Variants in SLC1A6 observed in about 807,000 individuals in gnomAD.
SLC1A6 encodes the protein solute carrier family 1 member 6, also known as excitatory amino acid transporter 4.
Under a neutral mutation model 42.1 loss-of-function variants are expected in SLC1A6, and 15 were observed. The ratio of observed to expected loss-of-function variants is 0.36; its 90% CI spans 0.24 to 0.55. The LOEUF (loss-of-function observed/expected upper bound fraction) is 0.55. Among genes scored for constraint, SLC1A6 ranks in the 20% least tolerant of loss-of-function variants. The probability of loss-of-function intolerance (pLI) is 0.88; values close to 1 mark genes in which losing one functional copy is unlikely to be tolerated. For missense variants in SLC1A6, 542 were observed against 772.5 expected, an observed-to-expected ratio of 0.70 and a Z score of 3.54; for synonymous variants, 317 against 319.7, an observed-to-expected ratio of 0.99 and a Z score of 0.09.
Position 14,971,782 on chromosome 19 carries a change from G to A in SLC1A6, c.298C>T (p.Leu100=). ...ATGAGAGGTAACACCAGCATCTGCA[G>A]CATCCTCATCAGAAGCTCTCCAGGA... ...SFPGELLMRM[L]QMLVLPLIVS... Residue 100 remains leucine (L), a synonymous_variant, in exon 3 of 10, where the codon CTG becomes TTG. Coordinates refer to ENST00000594383, the MANE Select transcript of SLC1A6 (RefSeq NM_005071.3). 1 of 1,614,180 alleles carries A rather than the reference G, an allele frequency of 6.2e-7. No individual in the cohort carries two copies. Among genetic ancestry groups the A allele is most frequent in the Non-Finnish European group, 8.5e-7 (1 of 1,180,016 alleles).
At chr19:14,968,563 C>T in intron 3 of SLC1A6, 56 bp from the exon 4 acceptor site, 2 of 1,436,354 alleles carry the variant, frequency 1.4e-6, no homozygotes, top group South Asian at 1.3e-5. Flanking sequence ...CGCCAGCTCT[C>T]CTAGCATCCG....
chr19:14,960,926 C>T (rs1292561224), intron 6 of SLC1A6, among the ~76,000 whole-genome samples: 1 of 86,740 alleles, frequency 1.2e-5, no homozygotes, highest in East Asian at 3.6e-4. Flanking sequence ...TAAGTGGTCT[C>T]TCCCTTTTTT....
At chr19:15,010,440 G>T (rs1024086326) in intron 1 of SLC1A6, 8 of 478,556 alleles carry the variant, frequency 1.7e-5, no homozygotes, top group African/African-American at 7.8e-5. Context: ...AGGTAACGGC[G>T]AGAGGAATGC....
chr19:15,005,417 G>C (rs1600043107), intron 1 of SLC1A6, among the ~76,000 whole-genome samples: 1 of 152,294 alleles, frequency 6.6e-6, no homozygotes, highest in East Asian at 1.9e-4. Context: ...GCTGAGGCAG[G>C]AGAATCACTT....
Position 14,962,142 on chromosome 19 carries a change from G to A in SLC1A6, c.795C>T (p.Gly265=), listed in dbSNP as rs767240689. 5 of 1,614,080 alleles carry A rather than the reference G, an allele frequency of 3.1e-6. No individual in the cohort carries two copies. The East Asian group carries it at 1.1e-4, about 36-fold the overall frequency. The change falls in exon 6 of 10, where the codon GGC becomes GGT. Residue 265 remains glycine (G), a synonymous_variant. Coordinates refer to ENST00000594383, the MANE Select transcript of SLC1A6 (RefSeq NM_005071.3). The part of the protein sequence containing the change: ...ETVPVPGSAN[G]INALGLVVFS... ...AGACCACGAGGCCCAGGGCGTTGAT[G>A]CCATTGGCGGAGCCAGGCACGGGTA... is the stretch of plus-strand genomic sequence containing the variant.
rs373603766 is a variant in SLC1A6 at position 14,968,300 on chromosome 19, C to A, written c.548+3G>T. 49 of 1,608,928 alleles carry A rather than the reference C, an allele frequency of 3.0e-5. No individual in the cohort carries two copies. The highest frequency in any genetic ancestry group is 4.0e-5 in the Non-Finnish European group (47 of 1,176,826). Reference sequence around the variant, plus strand: ...TATATTGTGGTTTTTTAGGTTGGCACACCTGATCAGGTCCATGAAGGCATC... The same window carrying A: ...TATATTGTGGTTTTTTAGGTTGGCAAACCTGATCAGGTCCATGAAGGCATC... On this transcript the variant is annotated splice_donor_region_variant and intron_variant, in intron 4 of 9. Transcript: ENST00000594383.
At chr19:14,991,474 T>G (rs1238841423) in intron 1 of SLC1A6, among the ~76,000 whole-genome samples, 1 of 151,926 alleles carries the variant, frequency 6.6e-6, no homozygotes, top group Non-Finnish European at 1.5e-5. Flanking sequence ...AATACAAAAA[T>G]TAGCTGGGTG....
chr19:14,976,771 C>G (rs879754785), intron 1 of SLC1A6: 1 of 152,134 alleles, frequency 6.6e-6, no homozygotes, highest in Non-Finnish European at 1.5e-5. Context: ...CTGAATTCAA[C>G]CAGGTCGAGC....
rs996992381 is a variant in SLC1A6, at chr19:14,964,955, G to A, written c.549-594C>T. ...TGTTGGCATTGATGTGGGGGAAAGG[G>A]GACACTTACACACTGCTGGTGGGGA... is the stretch of plus-strand genomic sequence containing the variant. On this transcript the variant is annotated intron_variant, in intron 4 of 9. Coordinates refer to ENST00000594383, the MANE Select transcript of SLC1A6 (RefSeq NM_005071.3). Among the ~76,000 whole-genome samples, 4 of 151,946 alleles carry A rather than the reference G, an allele frequency of 2.6e-5. No individual in the cohort carries two copies. In the East Asian group the frequency reaches 7.7e-4, roughly 29 times the overall value.
chr19:14,978,250 C>G (rs1475605497), intron 1 of SLC1A6: 1 of 152,194 alleles, frequency 6.6e-6, no homozygotes, highest in African/African-American at 2.4e-5. Context: ...GATGTGTGGG[C>G]TGCTTCTCGG....
At position 14,956,634 on chromosome 19, in the gene SLC1A6, AC is replaced by A; in HGVS notation, c.1010del (p.Gly337ValfsTer8). ...CGGTCAGGGTGTACATGCCCAGCTG[AC>A]CCCCCAGGACGGCCATGTCTTCCAT... is the stretch of plus-strand genomic sequence containing the variant. ...LEMEDMAVLG[G>X]QLGMYTLTVI... On this transcript the variant is annotated frameshift_variant, in exon 7 of 10. Coordinates refer to ENST00000594383, the MANE Select transcript of SLC1A6 (RefSeq NM_005071.3). LOFTEE classifies it high-confidence loss of function. 6.2e-7 allele frequency: 1 copy of A among 1,613,478 alleles called. No homozygotes were observed.
At chr19:14,960,194 G>A (rs1287920472) in intron 6 of SLC1A6, among the ~76,000 whole-genome samples, 1 of 152,236 alleles carries the variant, frequency 6.6e-6, no homozygotes, top group Non-Finnish European at 1.5e-5. Context: ...AAACAAGTTA[G>A]TAGCTGAGTG....
At chr19:14,976,891 A>G (rs2045717267) in intron 1 of SLC1A6, 1 of 151,926 alleles carries the variant, frequency 6.6e-6, no homozygotes, top group South Asian at 2.1e-4. Context: ...ACTCCCCACC[A>G]TATCCAAGGG....
At chr19:14,987,154 T>C (rs1218430518) in intron 1 of SLC1A6, among the ~76,000 whole-genome samples, 1 of 151,970 alleles carries the variant, frequency 6.6e-6, no homozygotes, top group Non-Finnish European at 1.5e-5. Context: ...TGTCAGATGG[T>C]GATAAGTCCT....
At chr19:14,988,700 A>C (rs1372856954) in intron 1 of SLC1A6, among the ~76,000 whole-genome samples, 3 of 152,190 alleles carry the variant, frequency 2.0e-5, no homozygotes, top group Admixed American at 2.0e-4. Flanking sequence ...CATTATCTTA[A>C]GCGAAATAAC....
At chr19:14,987,949 C>T (rs761010087) in intron 1 of SLC1A6, among the ~76,000 whole-genome samples, 3 of 152,102 alleles carry the variant, frequency 2.0e-5, no homozygotes, top group Non-Finnish European at 4.4e-5. Flanking sequence ...GCTTTGAATT[C>T]CTGGGCTCAA....
At chr19:15,003,758 A>C (rs1346757485) in intron 1 of SLC1A6, among the ~76,000 whole-genome samples, 1 of 152,146 alleles carries the variant, frequency 6.6e-6, no homozygotes, top group African/African-American at 2.4e-5. Context: ...GATTTCGCCC[A>C]AAAGCAGAAT....
intron 1 of SLC1A6, among the ~76,000 whole-genome samples, chr19:14,994,979 C>A (rs1396596259): frequency 2.6e-5 from 4 of 151,622 alleles, no homozygotes; most frequent in African/African-American, 9.7e-5. Flanking sequence ...AAGACAAACA[C>A]TGCATGATCT....
Position 14,971,622 on chromosome 19 carries a change from T to C in SLC1A6, c.343+115A>G, listed in dbSNP as rs565457271. 7.4e-5 allele frequency: 75 copies of C among 1,012,400 alleles called. No homozygotes were observed. The Admixed American group carries it at 1.3e-3, about 17-fold the overall frequency. The allele number at this position is 1,012,400 out of a possible 1,614,324, so 62.7% of individuals were successfully genotyped here. A position where few individuals can be genotyped will look rare whatever the true frequency, so the allele number is the denominator to read the frequency against. On this transcript the variant is annotated intron_variant, in intron 3 of 9. Coordinates refer to ENST00000594383, the MANE Select transcript of SLC1A6 (RefSeq NM_005071.3). ...GACGCTGGACCAGACACAGGCTCCA[T>C]GTTTGAGGTGCCGCGTCAAGGAAGT...
Sources: allele counts gnomAD v4.1 joint callset (sites outside exome capture counted in the v4.1 genomes callset), GRCh38; gene constraint gnomAD v4.1.1; transcripts MANE v1.5; gene names NCBI Gene and HGNC (gene_info 2026-07-23, HGNC 2026-07-21).